Variants in ITSN1 observed in about 807,000 individuals in gnomAD.
The protein encoded by ITSN1 is intersectin 1, also known as intersectin-1.
Under a neutral mutation model 239.8 loss-of-function variants are expected in ITSN1, and 58 were observed. The ratio of observed to expected loss-of-function variants is 0.24; its 90% CI spans 0.20 to 0.30. The LOEUF (loss-of-function observed/expected upper bound fraction) is 0.30, where lower values mean the gene tolerates loss of function less well. Ranked by LOEUF, ITSN1 falls within the 10% of genes least tolerant of loss-of-function variation. The pLI is 1.00. For synonymous variants in ITSN1, 780 were observed against 770.8 expected (o/e 1.01, Z -0.20); for missense variants, 1,558 against 2,103.3 (o/e 0.74, Z 5.07).
chr21:33,796,882 T>G (rs2071605147), intron 17 of ITSN1, among the ~76,000 whole-genome samples: 1 of 152,198 alleles, frequency 6.6e-6, no homozygotes, highest in Admixed American at 6.5e-5. Context: ...AGGCCTAGAT[T>G]TAATTACAAT....
intron 8 of ITSN1, among the ~76,000 whole-genome samples, chr21:33,756,382 G>A (rs2067917867): frequency 6.6e-6 from 1 of 151,690 alleles, no homozygotes; most frequent in African/African-American, 2.4e-5. Flanking sequence ...ATGTTAAAGG[G>A]AAAAACTAAC....
intron 11 of ITSN1, among the ~76,000 whole-genome samples, chr21:33,768,778 C>T (rs2068902608): frequency 6.6e-6 from 1 of 152,170 alleles, no homozygotes; most frequent in Non-Finnish European, 1.5e-5. Flanking sequence ...TTGGTCTGGT[C>T]AGAACACTGG....
chr21:33,734,026 C>T (rs1021744374), intron 4 of ITSN1, among the ~76,000 whole-genome samples: 6 of 151,956 alleles, frequency 3.9e-5, no homozygotes, highest in African/African-American at 4.8e-5. Context: ...TGAACACTGT[C>T]CGGATATGGC....
At chr21:33,645,436 T>C (rs933342731) in intron 1 of ITSN1, among the ~76,000 whole-genome samples, 1 of 152,146 alleles carries the variant, frequency 6.6e-6, no homozygotes, top group African/African-American at 2.4e-5. Context: ...GGCCCAGGAA[T>C]TTGAGACCAG....
intron 29 of ITSN1, among the ~76,000 whole-genome samples, chr21:33,849,395 G>A (rs2040227577): frequency 6.6e-6 from 1 of 151,848 alleles, no homozygotes; most frequent in African/African-American, 2.4e-5. Flanking sequence ...GTGAAACCCT[G>A]TCTCTATTAA....
At chr21:33,704,939 A>T (rs1490472951) in intron 1 of ITSN1, among the ~76,000 whole-genome samples, 1 of 147,612 alleles carries the variant, frequency 6.8e-6, no homozygotes, top group African/African-American at 2.5e-5. Context: ...AAAAAAAAAA[A>T]AAAAAAAATA....
rs1350746037 is a variant in ITSN1 at position 33,865,445 on chromosome 21, A to G, written c.4074+111A>G. ...GCAAGAGTGTTCCCACTAGAGGCCA[A>G]CAGGGCCTAGGGTCTTGGCTAAGCC... is the stretch of plus-strand genomic sequence containing the variant. On this transcript the variant is annotated intron_variant, in intron 32 of 39. Coordinates refer to ENST00000381318, the MANE Select transcript of ITSN1 (RefSeq NM_003024.3). This position sits in a 1 kb window ranked among gnomAD's most constrained non-coding sequence, Gnocchi z 4.4. The G allele has an allele frequency of 7.9e-6, 7 of 887,964 alleles. No individual in the cohort carries two copies. The African/African-American group carries it at 1.0e-4, about 13-fold the overall frequency. 55.0% of individuals were successfully genotyped at this position (887,964 alleles called of 1,614,324 possible). A position where few individuals can be genotyped will look rare whatever the true frequency, so the allele number is the denominator to read the frequency against.
intron 14 of ITSN1, among the ~76,000 whole-genome samples, chr21:33,779,911 A>G (rs1019631451): frequency 3.3e-5 from 5 of 151,848 alleles, no homozygotes; most frequent in Admixed American, 2.0e-4. Context: ...GGCTCACTGC[A>G]ACCTCTGCTT....
At chr21:33,750,872 TA>T (rs1182096394) in intron 6 of ITSN1, among the ~76,000 whole-genome samples, 2 of 152,248 alleles carry the variant, frequency 1.3e-5, no homozygotes, top group Non-Finnish European at 2.9e-5. Flanking sequence ...TTCCTTTAGT[TA>T]AAGTATAAAA....
chr21:33,654,018 C>T (rs542475562), intron 1 of ITSN1, among the ~76,000 whole-genome samples: 1 of 151,804 alleles, frequency 6.6e-6, no homozygotes, highest in Admixed American at 6.6e-5. Context: ...TAATTCCTTC[C>T]TTCTTTCCTT....
chr21:33,892,088 G>A lies in ITSN1; in HGVS notation c.*3788G>A, dbSNP rs1184061554. The A allele has an allele frequency of 3.3e-5, 5 of 152,206 alleles. No homozygotes were observed. Among genetic ancestry groups the A allele is most frequent in the Non-Finnish European group, 7.3e-5 (5 of 68,042 alleles). The allele number at this position is 152,206 out of a possible 1,614,324, so 9.4% of individuals were successfully genotyped here. ...TGGGCTCGAGGTGAGTGTGCAATTAGCAGCAGGTCTGCTTGGTCCAGATAT... is the reference window on the plus strand; with the variant it reads ...TGGGCTCGAGGTGAGTGTGCAATTAACAGCAGGTCTGCTTGGTCCAGATAT... On this transcript the variant is annotated 3_prime_UTR_variant, in exon 40 of 40. Transcript: ENST00000381318.
chr21:33,762,117 T>G (rs73199862), intron 9 of ITSN1, 131 bp downstream of exon 9: 1 of 706,312 alleles, frequency 1.4e-6, no homozygotes, highest in Non-Finnish European at 2.6e-6. Context: ...CAGTGAGTTG[T>G]AATGATTGCC....
intron 1 of ITSN1, among the ~76,000 whole-genome samples, chr21:33,706,715 T>TTGTTCTA (rs1318919248): frequency 6.6e-6 from 1 of 152,092 alleles, no homozygotes; most frequent in Admixed American, 6.6e-5. Flanking sequence ...TCCACACCAT[T>TTGTTCTA]TGTTCTATCC....
At chr21:33,644,745 C>G (rs1396614022) in intron 1 of ITSN1, among the ~76,000 whole-genome samples, 2 of 150,760 alleles carry the variant, frequency 1.3e-5, no homozygotes, top group East Asian at 3.9e-4. Context: ...TCAAGTTTAT[C>G]TTTTCCCCAA....
intron 20 of ITSN1, among the ~76,000 whole-genome samples, chr21:33,806,512 G>T (rs2072464186): frequency 6.6e-6 from 1 of 152,266 alleles, no homozygotes; most frequent in Non-Finnish European, 1.5e-5. Flanking sequence ...GAAAAGAGGT[G>T]TAATATCATC....
At chr21:33,721,050 A>C (rs2065453646) in intron 2 of ITSN1, 128 bp from the exon 3 acceptor site, 2 of 603,202 alleles carry the variant, frequency 3.3e-6, no homozygotes, top group Non-Finnish European at 5.9e-6. Context: ...AAGGACAAGA[A>C]GATGTGAATT....
chr21:33,875,105 G>C (rs1201317496), intron 33 of ITSN1, among the ~76,000 whole-genome samples: 1 of 152,190 alleles, frequency 6.6e-6, no homozygotes. Context: ...AGGGTGTGGG[G>C]CTGGACTGAG....
chr21:33,779,574 C>G (rs918784888), intron 14 of ITSN1, among the ~76,000 whole-genome samples: 1 of 152,208 alleles, frequency 6.6e-6, no homozygotes, highest in African/African-American at 2.4e-5. Flanking sequence ...TCATGGTGGT[C>G]TTCAAGTCTC....
At chr21:33,807,761 A>G (rs1187514259) in intron 20 of ITSN1, among the ~76,000 whole-genome samples, 1 of 152,226 alleles carries the variant, frequency 6.6e-6, no homozygotes, top group Non-Finnish European at 1.5e-5. Context: ...CGATCAAGGG[A>G]TCCACTTGAG....
Sources: gnomAD v4.1 joint callset for allele counts (sites outside exome capture counted in the v4.1 genomes callset) on GRCh38, gnomAD v4.1.1 for gene constraint, Gnocchi (gnomAD v3.1) non-coding constraint, MANE v1.5 for transcripts, NCBI Gene and HGNC (gene_info 2026-07-23, HGNC 2026-07-21) for gene names.